HNRNPH1: variants seen among roughly 807,000 people sequenced by gnomAD.
HNRNPH1 encodes heterogeneous nuclear ribonucleoprotein H1.
Under a neutral mutation model 58.6 loss-of-function variants are expected in HNRNPH1, and 4 were observed. That is an observed-to-expected ratio of 0.07 (90% confidence interval 0.03 to 0.16). The LOEUF (loss-of-function observed/expected upper bound fraction) is 0.16, where lower values mean the gene tolerates loss of function less well. Ranked by LOEUF, HNRNPH1 falls within the 10% of genes least tolerant of loss-of-function variation. The pLI, the probability that HNRNPH1 is intolerant of heterozygous loss-of-function variation, is 1.00. For missense variants in HNRNPH1, 271 were observed against 564.2 expected (o/e 0.48, Z 5.26); for synonymous variants, 192 against 189.2 (o/e 1.01, Z -0.12).
chr5:179,627,280 C>T (rs540853490), upstream of HNRNPH1, among the ~76,000 whole-genome samples: 1 of 152,196 alleles, frequency 6.6e-6, no homozygotes, highest in Non-Finnish European at 1.5e-5. Context: ...CAGCCTTGAA[C>T]TCCTGGGCTC....
At chr5:179,620,829 A>G in intron 3 of HNRNPH1, 63 bp downstream of exon 4, 2 of 1,498,344 alleles carry the variant, frequency 1.3e-6, no homozygotes, top group South Asian at 1.2e-5. Flanking sequence ...TTTAACGTCT[A>G]TTAAATCACC....
exon 13 of HNRNPH1, chr5:179,614,585 A>G: frequency 3.4e-6 from 1 of 297,938 alleles, no homozygotes; most frequent in East Asian, 6.0e-5. Flanking sequence ...GCTTAAGTAC[A>G]TCCTATAACT....
chr5:179,619,811 GT>G (rs1230170402), intron 3 of HNRNPH1: 1 of 152,968 alleles, frequency 6.5e-6, no homozygotes, highest in East Asian at 1.9e-4. Context: ...GGAACTTCAA[GT>G]TTTTAAAAAG....
intron 10 of HNRNPH1, 98 bp from the exon 12 acceptor site, chr5:179,616,316 G>A: frequency 1.0e-6 from 1 of 963,546 alleles, no homozygotes; most frequent in South Asian, 1.3e-5. Flanking sequence ...TTCCAGTCTT[G>A]ATCTTACATT....
At chr5:179,614,840 A>G in exon 13 of HNRNPH1, 3 of 1,453,322 alleles carry the variant, frequency 2.1e-6, no homozygotes, top group Non-Finnish European at 2.8e-6. Context: ...GGATCGATCA[A>G]TTACATTCCC....
chr5:179,633,833 C>T (rs2127747091), intron 2 of HNRNPH1: 1 of 152,172 alleles, frequency 6.6e-6, no homozygotes, highest in East Asian at 1.9e-4. Flanking sequence ...ATTGTTTGAA[C>T]CGGGGAGGCA....
chr5:179,616,081 G>A, intron 11 of HNRNPH1, 45 bp downstream of exon 12: 2 of 1,472,294 alleles, frequency 1.4e-6, no homozygotes, highest in Non-Finnish European at 1.9e-6. Context: ...TAATGAACAG[G>A]CTTTACCATA....
chr5:179,632,753 CTTTTTTTT>C (rs752554745), intron 2 of HNRNPH1, among the ~76,000 whole-genome samples: 1 of 92,006 alleles, frequency 1.1e-5, no homozygotes, highest in African/African-American at 4.1e-5. Context: ...AATCAAATAT[CTTTTTTTT>C]TTTTTTTTTT....
At chr5:179,622,735 A>G (rs1341479290) in intron 1 of HNRNPH1, 1 of 152,470 alleles carries the variant, frequency 6.6e-6, no homozygotes, top group Non-Finnish European at 1.5e-5. Context: ...GACACCCATA[A>G]AAGAAAAGCT....
At chr5:179,617,464 T>C (rs377079675) in intron 8 of HNRNPH1, 50 bp downstream of exon 9, 4 of 1,579,044 alleles carry the variant, frequency 2.5e-6, no homozygotes, top group Non-Finnish European at 3.5e-6. Flanking sequence ...TTGTAAATGT[T>C]AGTCACACAA....
exon 13 of HNRNPH1, chr5:179,614,913 A>T: frequency 6.5e-7 from 1 of 1,550,104 alleles, no homozygotes; most frequent in Non-Finnish European, 8.7e-7. Flanking sequence ...CCATAGATGC[A>T]CGGCTTCCAC....
At chr5:179,634,193 CTCCT>C in intron 1 of HNRNPH1, 1 of 139,168 alleles carries the variant, frequency 7.2e-6, no homozygotes. Context: ...GCACAAATCC[CTCCT>C]GTCCTTGGGG....
At chr5:179,625,695 A>C (rs940024650), upstream of HNRNPH1, among the ~76,000 whole-genome samples, 2 of 151,830 alleles carry the variant, frequency 1.3e-5, no homozygotes, top group Admixed American at 1.3e-4. Context: ...GTAAGGTAGA[A>C]TACATTTCAT....
chr5:179,631,067 T>C (rs966074126), intron 2 of HNRNPH1, among the ~76,000 whole-genome samples: 4 of 152,060 alleles, frequency 2.6e-5, no homozygotes, highest in Non-Finnish European at 5.9e-5. Context: ...TAGAAAACAA[T>C]TTAATGTCTA....
intron 2 of HNRNPH1, chr5:179,633,885 T>A (rs1775048280): frequency 6.7e-6 from 1 of 150,184 alleles, no homozygotes. Context: ...CACTCCACAC[T>A]CCAGCCTGGG....
chr5:179,616,218 G>A, exon 11 of HNRNPH1: 1 of 1,613,452 alleles, frequency 6.2e-7, no homozygotes, highest in Non-Finnish European at 8.5e-7. Context: ...GGACTGGTTT[G>A]CTGTTAAGTT....
chr5:179,630,458 TA>T (rs1365534934), intron 2 of HNRNPH1, among the ~76,000 whole-genome samples: 3 of 152,158 alleles, frequency 2.0e-5, no homozygotes, highest in Admixed American at 1.3e-4. Flanking sequence ...GCAAATTAAA[TA>T]AAATAACGCA....
exon 13 of HNRNPH1, chr5:179,614,947 G>A (rs902751315): frequency 5.2e-6 from 8 of 1,543,520 alleles, no homozygotes; most frequent in African/African-American, 1.4e-5. Context: ...GCTGTTCACT[G>A]CTCCTTGGTT....
chr5:179,627,358 A>ATT (rs1378030841), upstream of HNRNPH1, among the ~76,000 whole-genome samples: 30 of 144,340 alleles, frequency 2.1e-4, no homozygotes, highest in African/African-American at 6.8e-4. Context: ...GGCCCGACTA[A>ATT]TTTTTTTTTT....
Sources: allele counts gnomAD v4.1 joint callset (sites outside exome capture counted in the v4.1 genomes callset), GRCh38; gene constraint gnomAD v4.1.1; transcripts MANE v1.5; gene names NCBI Gene and HGNC (gene_info 2026-07-23, HGNC 2026-07-21).